The following ARK2C variants were observed in gnomAD, a reference collection of about 807,000 sequenced individuals.
ARK2C encodes the protein E3 ubiquitin-protein ligase ARK2C.
At chr18:46,366,292 CAAAAAAA>C in the ARK2C span, among the ~76,000 whole-genome samples, 39 of 54,508 alleles carry the variant, frequency 7.2e-4, no homozygotes, top group Admixed American at 1.2e-3. Flanking sequence ...AACTCTGGCT[CAAAAAAA>C]AAAAAAAAAA....
At chr18:46,412,835 A>G in the ARK2C span, among the ~76,000 whole-genome samples, 4,743 of 152,144 alleles carry the variant, frequency 0.031, 131 homozygotes, top group East Asian at 0.093. Context: ...GCCAGGGGCC[A>G]CCATATCTTG....
At chr18:46,437,669 T>C in the ARK2C span, among the ~76,000 whole-genome samples, 4 of 152,176 alleles carry the variant, frequency 2.6e-5, no homozygotes, top group Admixed American at 6.5e-5. Context: ...GTGGAAGCCT[T>C]GGGGGATACA....
At chr18:46,406,894 C>A in the ARK2C span, among the ~76,000 whole-genome samples, 1 of 147,776 alleles carries the variant, frequency 6.8e-6, no homozygotes, top group African/African-American at 2.4e-5. Flanking sequence ...GAATCCTTAC[C>A]CTGATGGGAC....
At chr18:46,400,501 G>A in the ARK2C span, among the ~76,000 whole-genome samples, 2 of 152,132 alleles carry the variant, frequency 1.3e-5, no homozygotes, top group Non-Finnish European at 2.9e-5. Context: ...CGGGCAGTTC[G>A]TAAGACTGTG....
chr18:46,418,459 AT>A, the ARK2C span, among the ~76,000 whole-genome samples: 3 of 152,176 alleles, frequency 2.0e-5, no homozygotes, highest in African/African-American at 7.2e-5. Flanking sequence ...AAAGTTACTA[AT>A]TTTTTACATT....
chr18:46,374,313 T>C, the ARK2C span, among the ~76,000 whole-genome samples: 1 of 152,242 alleles, frequency 6.6e-6, no homozygotes, highest in Non-Finnish European at 1.5e-5. Flanking sequence ...AGTTTAGTGA[T>C]ATTAGCAGCA....
the ARK2C span, chr18:46,456,123 G>T: frequency 8.2e-7 from 1 of 1,223,344 alleles, no homozygotes; most frequent in Non-Finnish European, 1.2e-6. Context: ...TCTCTTATAG[G>T]TATTGGTGAC....
the ARK2C span, among the ~76,000 whole-genome samples, chr18:46,431,581 AG>A: frequency 6.6e-6 from 1 of 152,198 alleles, no homozygotes; most frequent in Non-Finnish European, 1.5e-5. Flanking sequence ...ACCAAGTAGT[AG>A]AAGAGGAGAG....
chr18:46,391,102 C>G, the ARK2C span, among the ~76,000 whole-genome samples: 4 of 152,154 alleles, frequency 2.6e-5, no homozygotes, highest in African/African-American at 9.7e-5. Context: ...AGTTCCTACC[C>G]CATGGGTCTG....
chr18:46,450,429 G>A, the ARK2C span: 13 of 1,505,094 alleles, frequency 8.6e-6, no homozygotes, highest in South Asian at 5.6e-5. Context: ...TACCAACTGG[G>A]TTGGTGGAGA....
At chr18:46,413,052 G>C in the ARK2C span, among the ~76,000 whole-genome samples, 13 of 152,104 alleles carry the variant, frequency 8.5e-5, no homozygotes, top group South Asian at 4.2e-4. Flanking sequence ...GCCTTAGCCG[G>C]GGGATGGGGG....
chr18:46,450,983 C>T, the ARK2C span, among the ~76,000 whole-genome samples: 1 of 151,942 alleles, frequency 6.6e-6, no homozygotes, highest in Non-Finnish European at 1.5e-5. Flanking sequence ...CCAGGTGTGG[C>T]CAGGAGGGAA....
the ARK2C span, chr18:46,336,476 G>C: frequency 1.0e-6 from 1 of 985,428 alleles, no homozygotes; most frequent in Non-Finnish European, 1.2e-6. Flanking sequence ...GCTGAGGGGT[G>C]AGTTGGTCTG....
the ARK2C span, among the ~76,000 whole-genome samples, chr18:46,408,599 G>A: frequency 2.0e-5 from 3 of 152,176 alleles, no homozygotes; most frequent in Non-Finnish European, 2.9e-5. Flanking sequence ...GGAACTGTGG[G>A]GCATCCTAAA....
chr18:46,409,289 G>A, the ARK2C span, among the ~76,000 whole-genome samples: 1 of 152,186 alleles, frequency 6.6e-6, no homozygotes, highest in Non-Finnish European at 1.5e-5. Context: ...ACTGTCCTGG[G>A]AGCAGCCATC....
the ARK2C span, among the ~76,000 whole-genome samples, chr18:46,446,670 C>CAAAAAAA: frequency 3.8e-4 from 13 of 34,336 alleles, no homozygotes; most frequent in Non-Finnish European, 4.2e-4. Context: ...GACTCCATCT[C>CAAAAAAA]AAAAAAAAAA....
chr18:46,456,860 C>A, the ARK2C span: 1 of 528,906 alleles, frequency 1.9e-6, no homozygotes, highest in Non-Finnish European at 3.4e-6. Context: ...CCTGGCTGAG[C>A]AGGAGAGAGG....
chr18:46,355,264 T>A, the ARK2C span, among the ~76,000 whole-genome samples: 2 of 151,250 alleles, frequency 1.3e-5, no homozygotes, highest in Non-Finnish European at 2.9e-5. Context: ...GTTTTAATAT[T>A]TTTTTTTAAC....
the ARK2C span, chr18:46,461,688 A>T: frequency 6.7e-6 from 1 of 149,126 alleles, no homozygotes; most frequent in Non-Finnish European, 1.5e-5. Flanking sequence ...GGGAGAAAGG[A>T]TTGGGAGGAG....
Sources: allele counts gnomAD v4.1 joint callset (sites outside exome capture counted in the v4.1 genomes callset), GRCh38; gene constraint gnomAD v4.1.1; transcripts MANE v1.5; gene names NCBI Gene and HGNC (gene_info 2026-07-23, HGNC 2026-07-21).